FER: variants seen among roughly 807,000 people sequenced by gnomAD.
The protein encoded by FER is tyrosine-protein kinase Fer.
Under a neutral mutation model 111.0 loss-of-function variants are expected in FER, and 63 were observed. The observed-to-expected ratio is 0.57, with a 90% CI of 0.46 to 0.70. FER has a LOEUF of 0.70. Among genes scored for constraint, FER ranks in the 30% least tolerant of loss-of-function variants. FER has a pLI of 0.00. For synonymous variants in FER, 327 were observed against 313.9 expected (o/e 1.04, Z -0.44); for missense variants, 914 against 954.0 (o/e 0.96, Z 0.55).
At chr5:109,141,250 TAAC>T (rs1753493318) in intron 17 of FER, among the ~76,000 whole-genome samples, 1 of 152,218 alleles carries the variant, frequency 6.6e-6, no homozygotes, top group South Asian at 2.1e-4. Flanking sequence ...TAAGCCATGT[TAAC>T]AATATTTTAT....
intron 17 of FER, among the ~76,000 whole-genome samples, chr5:109,162,928 A>T (rs2126750253): frequency 6.6e-6 from 1 of 152,176 alleles, no homozygotes; most frequent in South Asian, 2.1e-4. Flanking sequence ...TGCCAAATAC[A>T]TATAGTCATG....
At chr5:109,087,238 A>G (rs1198107602) in intron 16 of FER, among the ~76,000 whole-genome samples, 1 of 151,732 alleles carries the variant, frequency 6.6e-6, no homozygotes, top group Non-Finnish European at 1.5e-5. Context: ...TTGAGGTCAT[A>G]TGTTCTGTAT....
At chr5:108,905,716 A>C (rs1243813866) in intron 10 of FER, among the ~76,000 whole-genome samples, 3 of 152,188 alleles carry the variant, frequency 2.0e-5, no homozygotes, top group Admixed American at 2.0e-4. Context: ...GTATTTATAC[A>C]TTAAAACATT....
intron 6 of FER, among the ~76,000 whole-genome samples, chr5:108,870,023 G>A (rs981673644): frequency 6.6e-6 from 1 of 151,962 alleles, no homozygotes; most frequent in Non-Finnish European, 1.5e-5. Context: ...TATTGATTTA[G>A]AAATATTTCC....
At chr5:108,950,083 T>C (rs1757518819) in intron 11 of FER, among the ~76,000 whole-genome samples, 1 of 151,948 alleles carries the variant, frequency 6.6e-6, no homozygotes, top group African/African-American at 2.4e-5. Context: ...GAAAGAAAGG[T>C]AAAATAAAAT....
At chr5:109,182,678 CTT>C (rs1172130683) in intron 18 of FER, among the ~76,000 whole-genome samples, 5 of 152,168 alleles carry the variant, frequency 3.3e-5, no homozygotes, top group Non-Finnish European at 5.9e-5. Context: ...TCCTCTTACT[CTT>C]AAACAATTTT....
rs538396094 is a variant in FER, at chr5:108,965,300, T to A, written c.1656+5953T>A. ...TTCTTAGGCAAGCCAGCCTTCTAAC[T>A]TCATCTGTGGCCTACAATAACCTCA... On this transcript the variant is annotated intron_variant, in intron 13 of 19. Transcript: ENST00000281092. Among the ~76,000 whole-genome samples the A allele has an allele frequency of 1.2e-3, 186 of 152,322 alleles. 1 individual carries two copies. Among genetic ancestry groups the A allele is most frequent in the African/African-American group, 4.1e-3 (170 of 41,570 alleles).
intron 13 of FER, among the ~76,000 whole-genome samples, chr5:109,016,275 A>G (rs191108928): frequency 3.8e-4 from 58 of 152,128 alleles, no homozygotes; most frequent in African/African-American, 1.1e-3. Context: ...TCCCAATTCT[A>G]TAGGCTGATG....
At chr5:109,042,607 T>C (rs1033765502) in intron 14 of FER, among the ~76,000 whole-genome samples, 3 of 152,188 alleles carry the variant, frequency 2.0e-5, no homozygotes, top group Non-Finnish European at 4.4e-5. Flanking sequence ...TACATGCCAG[T>C]ACCTCTTAAA....
intron 13 of FER, among the ~76,000 whole-genome samples, chr5:108,989,048 C>T (rs907689087): frequency 6.6e-6 from 1 of 151,972 alleles, no homozygotes; most frequent in African/African-American, 2.4e-5. Flanking sequence ...CGGTCATTCA[C>T]GAGCAGGTTA....
intron 5 of FER, among the ~76,000 whole-genome samples, chr5:108,840,274 C>T (rs549563840): frequency 6.6e-6 from 1 of 152,306 alleles, no homozygotes; most frequent in South Asian, 2.1e-4. Context: ...GGTCCATATT[C>T]TGGTCTCCCC....
Position 109,157,559 on chromosome 5 carries a change from G to A in FER, c.2049-23188G>A, listed in dbSNP as rs552252601. 3.0e-4 allele frequency among the ~76,000 whole-genome samples: 45 copies of A among 151,786 alleles called. No individual in the cohort carries two copies. In the South Asian group the frequency reaches 9.2e-3, roughly 31 times the overall value. ...CGAGCATTTCAAACTGTTCCCTAAT[G>A]AGTCTGCCTCTGTGCTCCAGTGCTG... On this transcript the variant is annotated intron_variant, in intron 17 of 19. Coordinates refer to ENST00000281092, the MANE Select transcript of FER (RefSeq NM_005246.4).
intron 14 of FER, among the ~76,000 whole-genome samples, chr5:109,042,186 G>A (rs1771277747): frequency 1.3e-5 from 2 of 152,152 alleles, no homozygotes; most frequent in South Asian, 4.1e-4. Flanking sequence ...GAGGACCAGG[G>A]TCATCTTACA....
chr5:109,139,931 A>G (rs1000144954), intron 17 of FER, among the ~76,000 whole-genome samples: 6 of 152,228 alleles, frequency 3.9e-5, no homozygotes, highest in Admixed American at 2.6e-4. Context: ...ACTGCTATCA[A>G]TTACTGACTG....
intron 13 of FER, among the ~76,000 whole-genome samples, chr5:109,024,057 T>G (rs1768316373): frequency 6.6e-6 from 1 of 152,184 alleles, no homozygotes; most frequent in Non-Finnish European, 1.5e-5. Flanking sequence ...ATAAGGAAGC[T>G]GAGACTGAAA....
At chr5:109,181,352 A>G (rs1562000155) in intron 18 of FER, among the ~76,000 whole-genome samples, 2 of 152,218 alleles carry the variant, frequency 1.3e-5, no homozygotes, top group Non-Finnish European at 2.9e-5. Context: ...TGGAACTGAT[A>G]TAAATCTTGA....
chr5:108,881,846 G>A (rs1402642852), intron 8 of FER, among the ~76,000 whole-genome samples: 1 of 151,924 alleles, frequency 6.6e-6, no homozygotes, highest in African/African-American at 2.4e-5. Flanking sequence ...ACCTCCTAGA[G>A]GCTCCATCTC....
chr5:108,799,133 G>T (rs957025178), intron 3 of FER, among the ~76,000 whole-genome samples: 24 of 152,084 alleles, frequency 1.6e-4, no homozygotes, highest in Non-Finnish European at 2.9e-4. Context: ...TTAGTATATT[G>T]TTGAGTTAGT....
intron 16 of FER, among the ~76,000 whole-genome samples, chr5:109,055,513 G>C (rs1027465607): frequency 1.3e-5 from 2 of 152,080 alleles, no homozygotes; most frequent in Admixed American, 1.3e-4. Context: ...GAGGCTGGAT[G>C]CAGTGGCTCA....
Sources: allele counts gnomAD v4.1 joint callset (sites outside exome capture counted in the v4.1 genomes callset), GRCh38; gene constraint gnomAD v4.1.1; transcripts MANE v1.5; gene names NCBI Gene and HGNC (gene_info 2026-07-23, HGNC 2026-07-21).